Variants in ADAMTS17 observed in about 807,000 individuals in gnomAD.
The protein encoded by ADAMTS17 is A disintegrin and metalloproteinase with thrombospondin motifs 17.
ADAMTS17 carries 113 observed loss-of-function variants against 141.5 expected under a neutral mutation model. That is an observed-to-expected ratio of 0.80 (90% CI 0.69 to 0.93). The LOEUF is 0.93. Ranked by LOEUF, ADAMTS17 falls within the 40% of genes least tolerant of loss-of-function variation. The pLI, the probability that ADAMTS17 is intolerant of heterozygous loss-of-function variation, is 0.00. For synonymous variants in ADAMTS17, 768 were observed against 630.6 expected (o/e 1.22, Z -3.27); for missense variants, 1,659 against 1,517.9 (o/e 1.09, Z -1.54).
At chr15:100,098,254 C>G (rs1025471985) in intron 14 of ADAMTS17, among the ~76,000 whole-genome samples, 4 of 151,656 alleles carry the variant, frequency 2.6e-5, no homozygotes, top group African/African-American at 4.8e-5. Flanking sequence ...GGAGGGAAGC[C>G]AGCTGTGATG....
intron 8 of ADAMTS17, among the ~76,000 whole-genome samples, chr15:100,155,638 G>A (rs1476950519): frequency 6.6e-6 from 1 of 152,154 alleles, no homozygotes; most frequent in African/African-American, 2.4e-5. Flanking sequence ...GCTTCTGATG[G>A]CTAGACTTGT....
intron 10 of ADAMTS17, among the ~76,000 whole-genome samples, chr15:100,145,664 T>C (rs2038867175): frequency 6.6e-6 from 1 of 152,180 alleles, no homozygotes; most frequent in Admixed American, 6.5e-5. Flanking sequence ...GAATTGTATA[T>C]GTTTATTAAT....
intron 15 of ADAMTS17, among the ~76,000 whole-genome samples, chr15:100,058,501 A>G (rs187098719): frequency 6.4e-4 from 98 of 152,314 alleles, no homozygotes; most frequent in African/African-American, 2.3e-3. Flanking sequence ...CCCCACTTCC[A>G]TGCCAAAAGT....
chr15:99,981,072 A>C (rs191153882), intron 20 of ADAMTS17, among the ~76,000 whole-genome samples: 2 of 152,292 alleles, frequency 1.3e-5, no homozygotes, highest in African/African-American at 2.4e-5. Context: ...CAGAGGTAGG[A>C]GTGGCGAGTG....
intron 7 of ADAMTS17, among the ~76,000 whole-genome samples, chr15:100,224,972 GCCCCTGGATGTGTCATGGAT>G (rs1317852645): frequency 1.3e-5 from 2 of 152,206 alleles, no homozygotes; most frequent in Admixed American, 6.5e-5. Flanking sequence ...GAAGTAATGA[GCCCCTGGATGTGTCATGGAT>G]CCACGAGGCT....
intron 9 of ADAMTS17, 118 bp from the exon 10 acceptor site, chr15:100,152,880 A>G (rs1413246118): frequency 1.8e-6 from 2 of 1,128,180 alleles, no homozygotes; most frequent in South Asian, 1.7e-5. Context: ...CACGTTCCTT[A>G]TGGAAAAAGG....
At chr15:100,062,935 T>G (rs1332034581) in intron 15 of ADAMTS17, among the ~76,000 whole-genome samples, 1 of 152,210 alleles carries the variant, frequency 6.6e-6, no homozygotes, top group South Asian at 2.1e-4. Flanking sequence ...CTGGGCACCC[T>G]GCTGTCTCCA....
At chr15:100,039,153 T>C (rs878891818) in intron 18 of ADAMTS17, among the ~76,000 whole-genome samples, 1 of 152,212 alleles carries the variant, frequency 6.6e-6, no homozygotes, top group Non-Finnish European at 1.5e-5. Flanking sequence ...TTGGCCAATC[T>C]AGCTAAAGAC....
intron 10 of ADAMTS17, among the ~76,000 whole-genome samples, chr15:100,134,483 G>T (rs1460833659): frequency 6.6e-6 from 1 of 152,198 alleles, no homozygotes; most frequent in African/African-American, 2.4e-5. Context: ...TCCAGGGTGT[G>T]GCCAGGGACC....
intron 20 of ADAMTS17, among the ~76,000 whole-genome samples, chr15:99,987,080 G>A (rs1939690282): frequency 1.3e-5 from 2 of 152,198 alleles, no homozygotes; most frequent in African/African-American, 4.8e-5. Context: ...AAGGCTCTGA[G>A]TGGCAGGAGT....
intron 12 of ADAMTS17, among the ~76,000 whole-genome samples, chr15:100,125,861 TG>T (rs2037706577): frequency 6.6e-6 from 1 of 152,118 alleles, no homozygotes; most frequent in Non-Finnish European, 1.5e-5. Flanking sequence ...GGGACTCTCT[TG>T]CCAGTATTTT....
chr15:100,298,359 C>T (rs923022959), intron 3 of ADAMTS17, among the ~76,000 whole-genome samples: 3 of 152,172 alleles, frequency 2.0e-5, no homozygotes, highest in Non-Finnish European at 4.4e-5. Context: ...TTCTACTGCA[C>T]TCATACCAAC....
intron 15 of ADAMTS17, chr15:100,063,579 G>T: frequency 9.3e-7 from 1 of 1,078,466 alleles, no homozygotes; most frequent in Non-Finnish European, 1.3e-6. Flanking sequence ...CGTGAAACCA[G>T]CCATAACCCG....
Position 100,037,030 on chromosome 15 carries a change from G to A in ADAMTS17, c.2591+11827C>T, listed in dbSNP as rs754276509. The stretch of plus-strand genomic sequence containing the variant: ...TAATACTATGAACATTTGTGTACAA[G>A]CTCTTGTGTGGACATGTTTTCATCA... On this transcript the variant is annotated intron_variant, in intron 18 of 21. Coordinates refer to ENST00000268070, the MANE Select transcript of ADAMTS17 (RefSeq NM_139057.4). Among the ~76,000 whole-genome samples, 60 of 152,166 alleles carry A rather than the reference G, an allele frequency of 3.9e-4. 2 individuals are homozygous for A. The highest frequency in any genetic ancestry group is 2.0e-4 in the Admixed American group (3 of 15,270).
intron 3 of ADAMTS17, among the ~76,000 whole-genome samples, chr15:100,290,596 G>A (rs759744092): frequency 4.1e-4 from 63 of 152,064 alleles, no homozygotes; most frequent in Middle Eastern, 3.4e-3. Context: ...TGACATTACC[G>A]GACTTTACAT....
At chr15:100,051,183 G>C (rs951128170) in intron 17 of ADAMTS17, among the ~76,000 whole-genome samples, 1 of 152,136 alleles carries the variant, frequency 6.6e-6, no homozygotes, top group African/African-American at 2.4e-5. Flanking sequence ...CTGTGGCCAA[G>C]AGGGAAGGGA....
intron 18 of ADAMTS17, among the ~76,000 whole-genome samples, chr15:100,039,834 T>C (rs545241362): frequency 2.0e-5 from 3 of 152,230 alleles, no homozygotes; most frequent in Non-Finnish European, 4.4e-5. Flanking sequence ...AGTCTCCAGT[T>C]ATTACTGTTA....
chr15:100,001,994 C>CAAAACA (rs2060935200), intron 18 of ADAMTS17, among the ~76,000 whole-genome samples: 1 of 58,382 alleles, frequency 1.7e-5, no homozygotes, highest in Non-Finnish European at 3.1e-5. Context: ...AGGCCAAACC[C>CAAAACA]AAAAAAAAAA....
At chr15:99,998,862 C>T (rs962080119) in intron 18 of ADAMTS17, among the ~76,000 whole-genome samples, 5 of 152,266 alleles carry the variant, frequency 3.3e-5, no homozygotes, top group Admixed American at 1.3e-4. Context: ...TCCAAGAGTT[C>T]GCCACCTGAC....
Sources: gnomAD v4.1 joint callset for allele counts (sites outside exome capture counted in the v4.1 genomes callset) on GRCh38, gnomAD v4.1.1 for gene constraint, MANE v1.5 for transcripts, NCBI Gene and HGNC (gene_info 2026-07-23, HGNC 2026-07-21) for gene names.